The following GOSR1 variants were observed in gnomAD, a reference collection of about 807,000 sequenced individuals.
GOSR1 encodes golgi SNAP receptor complex member 1, also known as 28 kDa Golgi SNARE protein.
Under a neutral mutation model 35.5 loss-of-function variants are expected in GOSR1, and 21 were observed. That is an observed-to-expected ratio of 0.59 (90% CI 0.42 to 0.85). The LOEUF (loss-of-function observed/expected upper bound fraction) is 0.85. GOSR1 is among the 40% of genes least tolerant of loss of function. The probability of loss-of-function intolerance (pLI) is 0.00; values close to 1 mark genes in which losing one functional copy is unlikely to be tolerated. For missense variants in GOSR1, 285 were observed against 309.6 expected (o/e 0.92, Z 0.60); for synonymous variants, 94 against 106.6 (o/e 0.88, Z 0.73).
chr17:30,516,489 G>T (rs372977894), intron 7 of GOSR1, among the ~76,000 whole-genome samples: 6 of 121,678 alleles, frequency 4.9e-5, no homozygotes, highest in African/African-American at 1.9e-4. Flanking sequence ...AAAAGAAAAA[G>T]AAAAAGTCAG....
At position 30,523,582 on chromosome 17, in the gene GOSR1, T is replaced by C. The variant is rs1255799763; in HGVS notation, c.*1204T>C. On this transcript the variant is annotated 3_prime_UTR_variant, in exon 9 of 9. Transcript: ENST00000451249. Reference sequence around the variant, plus strand: ...CCGTCCGGGAGGGAGGTGGGGGGGATCAGCCCCCCGCCCGGCCAGCCGCCC... The same window carrying C: ...CCGTCCGGGAGGGAGGTGGGGGGGACCAGCCCCCCGCCCGGCCAGCCGCCC... 3 of 131,064 alleles carry C rather than the reference T, an allele frequency of 2.3e-5. No homozygotes were observed. The East Asian group carries it at 6.9e-4, about 30-fold the overall frequency. The allele number at this position is 131,064 out of a possible 1,614,324, so 8.1% of individuals were successfully genotyped here. A position where few individuals can be genotyped will look rare whatever the true frequency, so the allele number is the denominator to read the frequency against.
chr17:30,498,794 G>T (rs1300252868), intron 6 of GOSR1, among the ~76,000 whole-genome samples: 1 of 152,142 alleles, frequency 6.6e-6, no homozygotes, highest in African/African-American at 2.4e-5. Context: ...GCAGTGGGGG[G>T]GCTCTGAGTG....
At chr17:30,498,663 C>G (rs80219403) in intron 6 of GOSR1, among the ~76,000 whole-genome samples, 1 of 152,170 alleles carries the variant, frequency 6.6e-6, no homozygotes, top group Non-Finnish European at 1.5e-5. Context: ...TATCATTCCT[C>G]ATACATTATT....
At chr17:30,504,474 C>T (rs190173284) in intron 6 of GOSR1, among the ~76,000 whole-genome samples, 1 of 152,112 alleles carries the variant, frequency 6.6e-6, no homozygotes, top group African/African-American at 2.4e-5. Flanking sequence ...TATCCTTTTA[C>T]GAAAACCTAT....
chr17:30,484,751 G>A lies in GOSR1; in HGVS notation c.323G>A (p.Arg108Gln), dbSNP rs759139582. Residue 108 changes from arginine to glutamine, a missense_variant, in exon 4 of 9, where the codon CGG (arginine) becomes CAG (glutamine). Physicochemically the swap from Arg to Gln is conservative, Grantham distance 43. Coordinates refer to ENST00000451249, the MANE Select transcript of GOSR1 (RefSeq NM_001007025.2). ...LNAALMHTLQRHRDILQDYTH... is the reference protein window; with the variant it reads ...LNAALMHTLQQHRDILQDYTH... ...GCAGCCCTGATGCATACATTACAGCGGCATAGAGACATATTGCAGGTAATA... is the reference window on the plus strand; with the variant it reads ...GCAGCCCTGATGCATACATTACAGCAGCATAGAGACATATTGCAGGTAATA... 7.0e-6 allele frequency: 11 copies of A among 1,572,930 alleles called. No individual in the cohort carries two copies. Among genetic ancestry groups the A allele is most frequent in the Non-Finnish European group, 8.7e-6 (10 of 1,143,010 alleles).
chr17:30,522,106 A>G (rs1188471259), intron 8 of GOSR1, 148 bp from the exon 9 acceptor site: 3 of 642,090 alleles, frequency 4.7e-6, no homozygotes, highest in East Asian at 2.7e-5. Flanking sequence ...GGGCAACTGC[A>G]TCTGCTAAAG....
At chr17:30,507,712 G>C (rs1967454568) in intron 6 of GOSR1, among the ~76,000 whole-genome samples, 1 of 123,598 alleles carries the variant, frequency 8.1e-6, no homozygotes, top group Non-Finnish European at 1.6e-5. Flanking sequence ...GACACAGCAA[G>C]ACTCTGTCTC....
At chr17:30,496,472 G>A (rs1967007962) in intron 6 of GOSR1, among the ~76,000 whole-genome samples, 1 of 152,148 alleles carries the variant, frequency 6.6e-6, no homozygotes, top group East Asian at 1.9e-4. Flanking sequence ...ACACTTTACT[G>A]ATTCTCCACA....
intron 6 of GOSR1, among the ~76,000 whole-genome samples, chr17:30,502,339 T>C (rs781038614): frequency 1.3e-5 from 2 of 152,186 alleles, no homozygotes; most frequent in African/African-American, 2.4e-5. Flanking sequence ...GCATGGTGTT[T>C]AGTTAGTAAT....
intron 6 of GOSR1, among the ~76,000 whole-genome samples, chr17:30,502,390 C>T (rs1281533125): frequency 6.6e-6 from 1 of 152,164 alleles, no homozygotes; most frequent in Non-Finnish European, 1.5e-5. Context: ...ATGTGGCACA[C>T]TAAGGCAAGA....
At chr17:30,484,851 C>A in intron 4 of GOSR1, 81 bp downstream of exon 4, 1 of 765,906 alleles carries the variant, frequency 1.3e-6, no homozygotes, top group East Asian at 2.5e-5. Flanking sequence ...TGGATATGTG[C>A]ACATATATTT....
At position 30,484,906 on chromosome 17, in the gene GOSR1, AG is replaced by A. The variant is rs1333786126; in HGVS notation, c.342+139del. 5.8e-6 allele frequency: 4 copies of A among 695,120 alleles called. No homozygotes were observed. The Admixed American group carries it at 6.5e-5, about 11-fold the overall frequency. The allele number at this position is 695,120 out of a possible 1,614,324, so 43.1% of individuals were successfully genotyped here. On this transcript the variant is annotated intron_variant, in intron 4 of 8. Transcript: ENST00000451249. The stretch of plus-strand genomic sequence containing the variant: ...TCTGAGAAAATAAATGCCATGCTAA[AG>A]GGACTTGTTTTACTTTTTTTTGGGG...
intron 6 of GOSR1, among the ~76,000 whole-genome samples, chr17:30,503,939 G>T (rs1967306349): frequency 6.6e-6 from 1 of 152,032 alleles, no homozygotes; most frequent in Admixed American, 6.5e-5. Context: ...TGTGTAAGGG[G>T]ACTTAAAAGG....
chr17:30,499,770 G>A (rs1018223123), intron 6 of GOSR1, among the ~76,000 whole-genome samples: 1 of 152,160 alleles, frequency 6.6e-6, no homozygotes, highest in African/African-American at 2.4e-5. Flanking sequence ...CCTGTCAGTG[G>A]TGTGTGGGAG....
intron 6 of GOSR1, 123 bp downstream of exon 6, chr17:30,492,876 C>A: frequency 1.6e-6 from 1 of 608,388 alleles, no homozygotes; most frequent in Admixed American, 2.9e-5. Context: ...TCATTTTATT[C>A]TCCTAATGAC....
chr17:30,506,750 G>GGA (rs1226921631), intron 6 of GOSR1, among the ~76,000 whole-genome samples: 1 of 152,246 alleles, frequency 6.6e-6, no homozygotes, highest in African/African-American at 2.4e-5. Context: ...CTAGAGACGA[G>GGA]AAGTCAGTGC....
rs559197722 is a variant in GOSR1, at chr17:30,485,229, G to A, written c.342+459G>A. ...TAAATAAACTTTTAAAGATTTAAAT[G>A]GAGGATATGTTAAAAATATGGTAGT... On this transcript the variant is annotated intron_variant, in intron 4 of 8. Coordinates refer to ENST00000451249, the MANE Select transcript of GOSR1 (RefSeq NM_001007025.2). 326 of 190,820 alleles carry A rather than the reference G, an allele frequency of 1.7e-3. 1 individual carries two copies. The highest frequency in any genetic ancestry group is 2.3e-3 in the Non-Finnish European group (210 of 90,882). The allele number at this position is 190,820 out of a possible 1,614,324, so 11.8% of individuals were successfully genotyped here.
chr17:30,522,951 A>G lies in GOSR1; in HGVS notation c.*573A>G, dbSNP rs1307325072. The G allele has an allele frequency of 4.0e-5, 8 of 202,216 alleles. No individual in the cohort carries two copies. The highest frequency in any genetic ancestry group is 2.1e-4 in the South Asian group (3 of 14,030). 12.5% of individuals were successfully genotyped at this position (202,216 alleles called of 1,614,324 possible). On this transcript the variant is annotated 3_prime_UTR_variant, in exon 9 of 9. Coordinates refer to ENST00000451249, the MANE Select transcript of GOSR1 (RefSeq NM_001007025.2). ...CTGCCTCAGCCTGCCGAGTGCCTGC[A>G]ATTGCAGGCGAGCGCCGCCACGCCT...
At position 30,523,253 on chromosome 17, in the gene GOSR1, GC is replaced by G. The variant is rs904643023; in HGVS notation, c.*876del. The stretch of plus-strand genomic sequence containing the variant: ...CGCCATCCCATCTAGGAAGTGAGGA[GC>G]GTCTCTGCCCGGCCGCCCATCGTCT... On this transcript the variant is annotated 3_prime_UTR_variant, in exon 9 of 9. Coordinates refer to ENST00000451249, the MANE Select transcript of GOSR1 (RefSeq NM_001007025.2). 10 of 175,304 alleles carry G rather than the reference GC, an allele frequency of 5.7e-5. No homozygotes were observed. Among genetic ancestry groups the G allele is most frequent in the African/African-American group, 1.9e-4 (8 of 41,276 alleles). The allele number at this position is 175,304 out of a possible 1,614,324, so 10.9% of individuals were successfully genotyped here. A position where few individuals can be genotyped will look rare whatever the true frequency, so the allele number is the denominator to read the frequency against.
Sources: allele counts gnomAD v4.1 joint callset (sites outside exome capture counted in the v4.1 genomes callset), GRCh38; gene constraint gnomAD v4.1.1; transcripts MANE v1.5; gene names NCBI Gene and HGNC (gene_info 2026-07-23, HGNC 2026-07-21).